Variants in GLS observed in about 807,000 individuals in gnomAD.
The protein encoded by GLS is glutaminase kidney isoform, mitochondrial.
GLS carries 36 observed loss-of-function variants against 86.7 expected under a neutral mutation model. That is an observed-to-expected ratio of 0.42 (90% CI 0.32 to 0.55). The LOEUF is 0.55. Among genes scored for constraint, GLS ranks in the 20% least tolerant of loss-of-function variants. GLS has a pLI of 0.17. For synonymous variants in GLS, 317 were observed against 305.9 expected (o/e 1.04, Z -0.38); for missense variants, 528 against 833.4 (o/e 0.63, Z 4.51).
intron 7 of GLS, among the ~76,000 whole-genome samples, chr2:190,918,721 TTAA>T (rs1399703312): frequency 6.6e-6 from 1 of 152,212 alleles, no homozygotes; most frequent in Non-Finnish European, 1.5e-5. Context: ...CTTACTAAGC[TTAA>T]TAATCATTCT....
intron 17 of GLS, among the ~76,000 whole-genome samples, chr2:190,958,371 C>G (rs182979162): frequency 6.6e-5 from 10 of 152,248 alleles, no homozygotes; most frequent in Admixed American, 5.2e-4. Context: ...TTTCAAAAAA[C>G]CAGCTCCTGG....
At chr2:190,933,926 A>G (rs1690189606) in intron 14 of GLS, 3 of 917,256 alleles carry the variant, frequency 3.3e-6, no homozygotes, top group Non-Finnish European at 3.9e-6. Flanking sequence ...TATTTGGTAT[A>G]AAAATGCAAT....
chr2:190,955,291 C>T lies in GLS; in HGVS notation c.1853+473C>T, dbSNP rs146587979. ...GCGATCCCTCCCTTACCCTGACCCC[C>T]AAACAGGCCCTGGTGTGTGATGTTC... On this transcript the variant is annotated intron_variant, in intron 17 of 17. Transcript: ENST00000320717. The surrounding 1 kb of genome is among the most constrained non-coding windows in gnomAD (Gnocchi z 5.6). Among the ~76,000 whole-genome samples, 625 of 152,226 alleles carry T rather than the reference C, an allele frequency of 4.1e-3. 4 individuals carry two copies. Among genetic ancestry groups the T allele is most frequent in the Middle Eastern group, 0.027 (8 of 294 alleles).
Position 190,905,571 on chromosome 2 carries a change from T to A in GLS, c.979+404T>A, listed in dbSNP as rs1290978309. On this transcript the variant is annotated intron_variant, in intron 6 of 17. Transcript: ENST00000320717. This position sits in a 1 kb window ranked among gnomAD's most constrained non-coding sequence, Gnocchi z 4.6. ...TATCTATTATATTGTATATAGTAGT[T>A]GAAAGTTTTATTGTGGCCCTGGTTG... Among the ~76,000 whole-genome samples, 1 of 152,120 alleles carries A rather than the reference T, an allele frequency of 6.6e-6. No homozygotes were observed. Among genetic ancestry groups the A allele is most frequent in the Non-Finnish European group, 1.5e-5 (1 of 67,960 alleles).
intron 1 of GLS, among the ~76,000 whole-genome samples, chr2:190,894,518 G>GT (rs1290240270): frequency 6.6e-6 from 1 of 152,104 alleles, no homozygotes; most frequent in Non-Finnish European, 1.5e-5. Context: ...AATGTATTGA[G>GT]TCAACTGATC....
chr2:190,890,616 A>G (rs973924087), intron 1 of GLS, among the ~76,000 whole-genome samples: 4 of 152,164 alleles, frequency 2.6e-5, no homozygotes, highest in African/African-American at 9.7e-5. Flanking sequence ...TTTCTATCTA[A>G]CAGGTTTATT....
chr2:190,901,064 T>A (rs1688923793), intron 4 of GLS, among the ~76,000 whole-genome samples: 1 of 152,160 alleles, frequency 6.6e-6, no homozygotes, highest in Admixed American at 6.5e-5. Flanking sequence ...TTGATTTTCA[T>A]ATAGAAAGTT....
intron 7 of GLS, among the ~76,000 whole-genome samples, chr2:190,919,109 A>G (rs1299141218): frequency 6.6e-6 from 1 of 152,152 alleles, no homozygotes; most frequent in Non-Finnish European, 1.5e-5. Flanking sequence ...GGTTATCACA[A>G]ACCTTCAATT....
intron 6 of GLS, among the ~76,000 whole-genome samples, chr2:190,906,931 GTT>G (rs1347731167): frequency 3.6e-5 from 5 of 139,994 alleles, no homozygotes; most frequent in African/African-American, 5.2e-5. Context: ...AATTGTAGTA[GTT>G]TTTTTTTTTT....
intron 3 of GLS, 77 bp from the exon 4 acceptor site, chr2:190,900,487 C>A: frequency 1.4e-6 from 1 of 689,888 alleles, no homozygotes. Flanking sequence ...AAATAGTGTC[C>A]TAATTATTAC....
chr2:190,895,744 C>T lies in GLS; in HGVS notation c.605+19C>T, dbSNP rs1388708782. 1 of 1,567,622 alleles carries T rather than the reference C, an allele frequency of 6.4e-7. No homozygotes were observed. The highest frequency in any genetic ancestry group is 8.7e-7 in the Non-Finnish European group (1 of 1,150,020). ...TTAAAAAGTAAAAGTTTCTGCCAAA[C>T]CTTTAATGGTGATTTGCTATGCTAT... On this transcript the variant is annotated intron_variant, in intron 3 of 17. Coordinates refer to ENST00000320717, the MANE Select transcript of GLS (RefSeq NM_014905.5). This position sits in a 1 kb window ranked among gnomAD's most constrained non-coding sequence, Gnocchi z 4.2.
At chr2:190,934,479 A>G (rs1197664134) in intron 14 of GLS, 3 of 977,626 alleles carry the variant, frequency 3.1e-6, no homozygotes, top group Middle Eastern at 1.1e-3. Context: ...GAATGTTCAG[A>G]TGCATATCCT....
rs890021242 is a variant in GLS at position 190,920,484 on chromosome 2, T to C, written c.1039-540T>C. Among the ~76,000 whole-genome samples, 8 of 151,834 alleles carry C rather than the reference T, an allele frequency of 5.3e-5. No homozygotes were observed. The highest frequency in any genetic ancestry group is 1.9e-4 in the African/African-American group (8 of 41,412). On this transcript the variant is annotated intron_variant, in intron 7 of 17. Transcript: ENST00000320717. The surrounding 1 kb of genome is among the most constrained non-coding windows in gnomAD (Gnocchi z 4.2). ...GAGAGCTATTAAGAATAGAGCTTTC[T>C]CTGCAGTAGTAAAATGCAACCAGAA...
intron 17 of GLS, among the ~76,000 whole-genome samples, chr2:190,961,075 A>T (rs890649238): frequency 1.1e-4 from 17 of 152,226 alleles, no homozygotes; most frequent in Non-Finnish European, 2.4e-4. Flanking sequence ...AGGAATGTGA[A>T]AGTAGATGTA....
Position 190,913,835 on chromosome 2 carries a change from C to G in GLS, c.1038+3514C>G. ...TGTTTTTTAGAGACAAGGTCTCTCT[C>G]TGTTGCCCAGTCTAAGTGCAGTGGT... is the stretch of plus-strand genomic sequence containing the variant. On this transcript the variant is annotated intron_variant, in intron 7 of 17. Coordinates refer to ENST00000320717, the MANE Select transcript of GLS (RefSeq NM_014905.5). The surrounding 1 kb of genome is among the most constrained non-coding windows in gnomAD (Gnocchi z 6.1). 1.7e-6 allele frequency: 1 copy of G among 599,406 alleles called. No individual in the cohort carries two copies. 37.1% of individuals were successfully genotyped at this position (599,406 alleles called of 1,614,324 possible). A position where few individuals can be genotyped will look rare whatever the true frequency, so the allele number is the denominator to read the frequency against.
At chr2:190,894,305 A>G (rs1279536033) in intron 1 of GLS, among the ~76,000 whole-genome samples, 1 of 152,186 alleles carries the variant, frequency 6.6e-6, no homozygotes, top group Non-Finnish European at 1.5e-5. Context: ...AATAAAATGT[A>G]AATGCTATGT....
chr2:190,945,090 C>A (rs1574616028), intron 14 of GLS, among the ~76,000 whole-genome samples: 1 of 152,138 alleles, frequency 6.6e-6, no homozygotes, highest in South Asian at 2.1e-4. Context: ...CAAGCACTGG[C>A]CCTGGCATCT....
rs1379588328 is a variant in GLS, at chr2:190,897,296, G to A, written c.605+1571G>A. ...CGCCTCGGCCTCCTAAAGTTACACG[G>A]TTTTAATACTTGAAAAAATATTTAT... On this transcript the variant is annotated intron_variant, in intron 3 of 17. Transcript: ENST00000320717. This position sits in a 1 kb window ranked among gnomAD's most constrained non-coding sequence, Gnocchi z 4.3. Among the ~76,000 whole-genome samples, 2 of 152,098 alleles carry A rather than the reference G, an allele frequency of 1.3e-5. No homozygotes were observed. Among genetic ancestry groups the A allele is most frequent in the African/African-American group, 4.8e-5 (2 of 41,428 alleles).
chr2:190,950,748 C>T (rs1205920666), intron 14 of GLS, among the ~76,000 whole-genome samples: 5 of 152,210 alleles, frequency 3.3e-5, no homozygotes, highest in Admixed American at 3.3e-4. Context: ...GTGAATGCAG[C>T]AGCACTGGAT....
Sources: gnomAD v4.1 joint callset for allele counts (sites outside exome capture counted in the v4.1 genomes callset) on GRCh38, gnomAD v4.1.1 for gene constraint, Gnocchi (gnomAD v3.1) non-coding constraint, MANE v1.5 for transcripts, NCBI Gene and HGNC (gene_info 2026-07-23, HGNC 2026-07-21) for gene names.